ABCA13: variants seen among roughly 807,000 people sequenced by gnomAD.
ABCA13 encodes ATP-binding cassette sub-family A member 13.
In ABCA13, 476 loss-of-function variants were observed where a neutral mutation model predicts 478.7. The observed-to-expected ratio is 0.99, with a 90% confidence interval of 0.92 to 1.07. ABCA13 has a LOEUF of 1.07. Ranked by LOEUF, ABCA13 falls within the 50% of genes least tolerant of loss-of-function variation. The pLI is 0.00. For missense variants in ABCA13, 6,060 were observed against 5,910.6 expected (o/e 1.03, Z -0.83); for synonymous variants, 2,252 against 2,158.9 (o/e 1.04, Z -1.20).
intron 43 of ABCA13, among the ~76,000 whole-genome samples, chr7:48,465,585 A>G (rs1306033020): frequency 1.3e-5 from 2 of 148,556 alleles, no homozygotes; most frequent in East Asian, 3.9e-4. Context: ...ATAATTATAC[A>G]TATTTATGGG....
Position 48,245,551 on chromosome 7 carries a change from A to G in ABCA13, c.1430A>G (p.Lys477Arg). The change falls in exon 12 of 62, where the codon AAA becomes AGA. Residue 477 changes from lysine to arginine, a missense_variant. Coordinates refer to ENST00000435803, the MANE Select transcript of ABCA13 (RefSeq NM_152701.5). ...CTGGAGACATCAGCTAATGATTTTAAATGGTTTGAACTTAACCAATTGAAA... is the reference window on the plus strand; with the variant it reads ...CTGGAGACATCAGCTAATGATTTTAGATGGTTTGAACTTAACCAATTGAAA... ...ICLETSANDF[K>R]WFELNQLKLE... 1 of 1,612,986 alleles carries G rather than the reference A, an allele frequency of 6.2e-7. No individual in the cohort carries two copies. The highest frequency in any genetic ancestry group is 1.7e-4 in the Middle Eastern group (1 of 6,056).
chr7:48,425,668 G>A (rs1347379754), intron 41 of ABCA13, among the ~76,000 whole-genome samples: 1 of 152,058 alleles, frequency 6.6e-6, no homozygotes, highest in African/African-American at 2.4e-5. Flanking sequence ...TACATGCCAG[G>A]CATCGTTTTT....
chr7:48,460,321 G>A (rs1003110760), intron 43 of ABCA13, among the ~76,000 whole-genome samples: 3 of 152,174 alleles, frequency 2.0e-5, no homozygotes, highest in African/African-American at 7.2e-5. Flanking sequence ...CCAGAAGTCT[G>A]AAATCAAAGG....
At chr7:48,382,393 C>T (rs2129045136) in intron 35 of ABCA13, among the ~76,000 whole-genome samples, 1 of 152,316 alleles carries the variant, frequency 6.6e-6, no homozygotes, top group East Asian at 1.9e-4. Context: ...CCCGAACCTG[C>T]TCTGCTGCAG....
At chr7:48,600,731 C>A (rs1790802996) in intron 58 of ABCA13, among the ~76,000 whole-genome samples, 1 of 151,886 alleles carries the variant, frequency 6.6e-6, no homozygotes, top group South Asian at 2.1e-4. Flanking sequence ...GCTATAAATC[C>A]AATAAGGCAT....
At chr7:48,387,132 G>A (rs565477036) in intron 35 of ABCA13, among the ~76,000 whole-genome samples, 27 of 152,062 alleles carry the variant, frequency 1.8e-4, no homozygotes, top group Non-Finnish European at 3.2e-4. Flanking sequence ...CTTTATATCA[G>A]CCTTTTTAAT....
Position 48,645,623 on chromosome 7 carries a change from C to A in ABCA13, c.*111C>A, listed in dbSNP as rs376098156. On this transcript the variant is annotated 3_prime_UTR_variant, in exon 62 of 62. Transcript: ENST00000435803. The stretch of plus-strand genomic sequence containing the variant: ...AGGAGCTGGAACACACTCTCCAGGC[C>A]GTCAAATTATTCTCTTGTTCATTTT... 2.0e-5 allele frequency: 16 copies of A among 814,384 alleles called. No individual in the cohort carries two copies. Among genetic ancestry groups the A allele is most frequent in the South Asian group, 1.6e-4 (9 of 57,598 alleles). 50.4% of individuals were successfully genotyped at this position (814,384 alleles called of 1,614,324 possible). A position where few individuals can be genotyped will look rare whatever the true frequency, so the allele number is the denominator to read the frequency against.
At chr7:48,434,967 A>G (rs1446935829) in intron 42 of ABCA13, among the ~76,000 whole-genome samples, 2 of 151,848 alleles carry the variant, frequency 1.3e-5, no homozygotes, top group Non-Finnish European at 2.9e-5. Context: ...CATATTTATC[A>G]ATATTGTTTT....
At position 48,504,540 on chromosome 7, in the gene ABCA13, G is replaced by GGT. The variant is rs1221913116; in HGVS notation, c.13292-1785_13292-1784dup. Among the ~76,000 whole-genome samples the GGT allele has an allele frequency of 5.3e-5, 8 of 151,938 alleles. No individual in the cohort carries two copies. In the East Asian group the frequency reaches 1.4e-3, roughly 26 times the overall value. On this transcript the variant is annotated intron_variant, in intron 48 of 61. Coordinates refer to ENST00000435803, the MANE Select transcript of ABCA13 (RefSeq NM_152701.5). ...AAGATGATGGGGATATTTGCCCCAG[G>GGT]GTGTGTGTGTGTATATTTAGGTTAA...
chr7:48,558,983 C>T (rs1391539344), intron 55 of ABCA13, among the ~76,000 whole-genome samples: 1 of 152,162 alleles, frequency 6.6e-6, no homozygotes, highest in Non-Finnish European at 1.5e-5. Flanking sequence ...TCTTTGGCCC[C>T]CTCTCAGCTG....
chr7:48,381,370 TAC>T (rs61376984), intron 35 of ABCA13, among the ~76,000 whole-genome samples: 138 of 148,440 alleles, frequency 9.3e-4, no homozygotes, highest in East Asian at 5.5e-3. Flanking sequence ...CACATACACA[TAC>T]ACACACACAC....
chr7:48,299,332 G>A (rs1799829293), intron 23 of ABCA13, among the ~76,000 whole-genome samples: 1 of 152,180 alleles, frequency 6.6e-6, no homozygotes, highest in Non-Finnish European at 1.5e-5. Flanking sequence ...AGCTTGACGG[G>A]TGGACTAATG....
intron 3 of ABCA13, among the ~76,000 whole-genome samples, chr7:48,203,759 C>G (rs559192633): frequency 6.6e-6 from 1 of 152,228 alleles, no homozygotes; most frequent in South Asian, 2.1e-4. Context: ...CCTCACTTCC[C>G]TTTCACTGTC....
At chr7:48,601,199 T>C (rs1790862139) in intron 58 of ABCA13, among the ~76,000 whole-genome samples, 2 of 152,156 alleles carry the variant, frequency 1.3e-5, no homozygotes, top group Middle Eastern at 3.2e-3. Context: ...CACTTACTAA[T>C]GTGGTTGTCA....
chr7:48,343,808 T>C (rs1032468145), intron 29 of ABCA13, among the ~76,000 whole-genome samples: 5 of 152,114 alleles, frequency 3.3e-5, no homozygotes, highest in Non-Finnish European at 7.3e-5. Context: ...GAAGGAAACT[T>C]CATCTGCCCC....
intron 59 of ABCA13, among the ~76,000 whole-genome samples, chr7:48,633,943 G>GATAC (rs1425867830): frequency 4.8e-3 from 108 of 22,522 alleles, no homozygotes; most frequent in African/African-American, 0.014. Context: ...TAGATAGATA[G>GATAC]ATAGATAGAT....
chr7:48,340,919 G>T (rs909611281), intron 29 of ABCA13, among the ~76,000 whole-genome samples: 1 of 151,916 alleles, frequency 6.6e-6, no homozygotes, highest in Admixed American at 6.6e-5. Context: ...CTTTGGGATC[G>T]GTCCTTATAT....
At chr7:48,351,848 C>T (rs1326714860) in intron 30 of ABCA13, among the ~76,000 whole-genome samples, 1 of 152,188 alleles carries the variant, frequency 6.6e-6, no homozygotes, top group Non-Finnish European at 1.5e-5. Flanking sequence ...GGATTCTGCA[C>T]ATTGAGTTAA....
At chr7:48,284,309 G>T (rs1289318446) in intron 19 of ABCA13, among the ~76,000 whole-genome samples, 1 of 152,172 alleles carries the variant, frequency 6.6e-6, no homozygotes, top group Non-Finnish European at 1.5e-5. Context: ...CAACTGCTGT[G>T]TAGGGGTTTT....
Sources: allele counts gnomAD v4.1 joint callset (sites outside exome capture counted in the v4.1 genomes callset), GRCh38; gene constraint gnomAD v4.1.1; transcripts MANE v1.5; gene names NCBI Gene and HGNC (gene_info 2026-07-23, HGNC 2026-07-21).